The following RBPMS variants were observed in gnomAD, a reference collection of about 807,000 sequenced individuals.
The protein encoded by RBPMS is RNA-binding protein with multiple splicing.
RBPMS carries 7 observed loss-of-function variants against 26.8 expected under a neutral mutation model. That is an observed-to-expected ratio of 0.26 (90% CI 0.15 to 0.49). RBPMS has a LOEUF of 0.49. Among genes scored for constraint, RBPMS ranks in the 20% least tolerant of loss-of-function variants. RBPMS has a pLI of 0.98. For missense variants in RBPMS, 186 were observed against 250.0 expected, an observed-to-expected ratio of 0.74 and a Z score of 1.73; for synonymous variants, 96 against 93.3, an observed-to-expected ratio of 1.03 and a Z score of -0.17.
chr8:30,445,765 T>C lies in RBPMS; in HGVS notation c.67-29014T>C, dbSNP rs529846842. Among the ~76,000 whole-genome samples the C allele has an allele frequency of 6.6e-5, 10 of 151,278 alleles. No individual in the cohort carries two copies. The East Asian group carries it at 1.8e-3, about 27-fold the overall frequency. ...TCACTGCAGCCTCGACCAACTGGGC[T>C]CCAGCGAGCCTATATCACCTTAGCC... On this transcript the variant is annotated intron_variant, in intron 1 of 8. Transcript: ENST00000397323.
At chr8:30,500,602 C>G (rs1820461813) in intron 4 of RBPMS, among the ~76,000 whole-genome samples, 1 of 152,142 alleles carries the variant, frequency 6.6e-6, no homozygotes, top group Non-Finnish European at 1.5e-5. Flanking sequence ...CTCTGAAGAC[C>G]TCAGTGACAG....
At chr8:30,541,385 C>T (rs1299681034) in intron 5 of RBPMS, among the ~76,000 whole-genome samples, 1 of 152,166 alleles carries the variant, frequency 6.6e-6, no homozygotes, top group African/African-American at 2.4e-5. Context: ...CTTCTGGTTG[C>T]ATATTCTCAT....
At chr8:30,501,949 C>G (rs930071630) in intron 4 of RBPMS, among the ~76,000 whole-genome samples, 1 of 152,030 alleles carries the variant, frequency 6.6e-6, no homozygotes, top group Non-Finnish European at 1.5e-5. Flanking sequence ...TTTTTCTCCT[C>G]TTCATCATCC....
rs1292887188 is a variant in RBPMS, at chr8:30,535,925, G to GATCACAC, written c.398-8568_398-8562dup. Among the ~76,000 whole-genome samples the GATCACAC allele has an allele frequency of 3.3e-5, 5 of 152,272 alleles. No individual in the cohort carries two copies. The East Asian group carries it at 9.6e-4, about 29-fold the overall frequency. Reference sequence around the variant, plus strand: ...AGTTGAAGTTGTAGTGCACATTGATGATCACACCTGTGAACAGCTGCTGCA... The same window carrying GATCACAC: ...AGTTGAAGTTGTAGTGCACATTGATGATCACACATCACACCTGTGAACAGCTGCTGCA... On this transcript the variant is annotated intron_variant, in intron 5 of 8. Coordinates refer to ENST00000397323, the MANE Select transcript of RBPMS (RefSeq NM_001008710.3).
At chr8:30,511,707 C>T (rs1347541462) in intron 5 of RBPMS, among the ~76,000 whole-genome samples, 1 of 149,980 alleles carries the variant, frequency 6.7e-6, no homozygotes, top group South Asian at 2.1e-4. Context: ...GCCTGTAATC[C>T]CAGCTACTCA....
chr8:30,561,478 C>T (rs376011201), intron 7 of RBPMS, among the ~76,000 whole-genome samples: 28 of 152,088 alleles, frequency 1.8e-4, no homozygotes, highest in African/African-American at 6.8e-4. Flanking sequence ...CTAGAGGTGC[C>T]GAGGATGAGG....
intron 5 of RBPMS, among the ~76,000 whole-genome samples, chr8:30,518,566 C>T (rs1163655833): frequency 1.3e-5 from 2 of 151,718 alleles, no homozygotes; most frequent in Admixed American, 6.6e-5. Flanking sequence ...GCTGGGATTA[C>T]AGTTGTGCGT....
chr8:30,455,935 G>A (rs1451069635), intron 1 of RBPMS, among the ~76,000 whole-genome samples: 1 of 152,064 alleles, frequency 6.6e-6, no homozygotes, highest in African/African-American at 2.4e-5. Flanking sequence ...GCTTTTATTC[G>A]GGAATAAGCA....
At chr8:30,550,693 C>T (rs1826281330) in intron 6 of RBPMS, among the ~76,000 whole-genome samples, 1 of 152,220 alleles carries the variant, frequency 6.6e-6, no homozygotes, top group Non-Finnish European at 1.5e-5. Context: ...AGCACCTGCC[C>T]TGCTCCTGGC....
At chr8:30,539,040 C>G (rs955664293) in intron 5 of RBPMS, among the ~76,000 whole-genome samples, 30 of 152,082 alleles carry the variant, frequency 2.0e-4, no homozygotes, top group Admixed American at 7.9e-4. Flanking sequence ...TTTTGAAGGG[C>G]TTAACAGGCA....
chr8:30,419,450 A>ATGTGTGTGTGTGTGTGTGTGTGTGTG (rs71278690), intron 1 of RBPMS, among the ~76,000 whole-genome samples: 18 of 143,176 alleles, frequency 1.3e-4, no homozygotes, highest in African/African-American at 4.2e-4. Context: ...CATCTCAAAA[A>ATGTGTGTGTGTGTGTGTGTGTGTGTG]TGTGTGTGTG....
At chr8:30,428,020 C>CTTTTTT (rs58756060) in intron 1 of RBPMS, among the ~76,000 whole-genome samples, 8 of 103,952 alleles carry the variant, frequency 7.7e-5, no homozygotes, top group Non-Finnish European at 1.3e-4. Flanking sequence ...GAGACCCCAT[C>CTTTTTT]TTTTTTTTTT....
chr8:30,429,244 G>A (rs1238450041), intron 1 of RBPMS, among the ~76,000 whole-genome samples: 1 of 152,148 alleles, frequency 6.6e-6, no homozygotes, highest in Non-Finnish European at 1.5e-5. Flanking sequence ...TCATCACGTG[G>A]ATGGCCACGT....
chr8:30,553,401 T>C (rs935227113), intron 6 of RBPMS: 3 of 152,228 alleles, frequency 2.0e-5, no homozygotes, highest in African/African-American at 7.2e-5. Flanking sequence ...ACATCATCCC[T>C]CCAGCCTATT....
chr8:30,563,635 G>A (rs895722678), intron 7 of RBPMS, among the ~76,000 whole-genome samples: 8 of 152,160 alleles, frequency 5.3e-5, no homozygotes, highest in Non-Finnish European at 1.2e-4. Context: ...AGAACGTGAC[G>A]GAATTTGGAG....
intron 1 of RBPMS, among the ~76,000 whole-genome samples, chr8:30,465,086 A>T (rs1816348058): frequency 6.6e-6 from 1 of 152,240 alleles, no homozygotes; most frequent in African/African-American, 2.4e-5. Flanking sequence ...GAACTAGAGG[A>T]TGGAGTAAGA....
At chr8:30,495,369 A>T (rs761173105) in intron 4 of RBPMS, among the ~76,000 whole-genome samples, 3 of 151,918 alleles carry the variant, frequency 2.0e-5, no homozygotes, top group Non-Finnish European at 4.4e-5. Flanking sequence ...AAGACTGTTC[A>T]ATTAGGCAAT....
chr8:30,448,450 A>G (rs1814137015), intron 1 of RBPMS, among the ~76,000 whole-genome samples: 1 of 152,178 alleles, frequency 6.6e-6, no homozygotes, highest in South Asian at 2.1e-4. Flanking sequence ...ACTAGTCTTA[A>G]AACCAGGTCC....
At chr8:30,519,328 CTTCT>C (rs748265487) in intron 5 of RBPMS, among the ~76,000 whole-genome samples, 18 of 152,146 alleles carry the variant, frequency 1.2e-4, no homozygotes, top group Non-Finnish European at 2.4e-4. Flanking sequence ...TTTTTGATTG[CTTCT>C]TTCTCCTCCT....
Sources: allele counts gnomAD v4.1 joint callset (sites outside exome capture counted in the v4.1 genomes callset), GRCh38; gene constraint gnomAD v4.1.1; transcripts MANE v1.5; gene names NCBI Gene and HGNC (gene_info 2026-07-23, HGNC 2026-07-21).